Variants in MICAL3 observed in about 807,000 individuals in gnomAD.
MICAL3 encodes [F-actin]-monooxygenase MICAL3.
A neutral mutation model predicts 207.4 loss-of-function variants in MICAL3; 62 were observed. The observed-to-expected ratio is 0.30, with a 90% CI of 0.24 to 0.37. The LOEUF (loss-of-function observed/expected upper bound fraction) is 0.37. Ranked by LOEUF, MICAL3 falls within the 10% of genes least tolerant of loss-of-function variation. The probability of loss-of-function intolerance (pLI) is 1.00; values close to 1 mark genes in which losing one functional copy is unlikely to be tolerated. For synonymous variants in MICAL3, 1,077 were observed against 1,069.3 expected, an observed-to-expected ratio of 1.01 and a Z score of -0.14; for missense variants, 2,368 against 2,635.6, an observed-to-expected ratio of 0.90 and a Z score of 2.22.
At chr22:17,838,506 C>T (rs540289507) in intron 20 of MICAL3, among the ~76,000 whole-genome samples, 3 of 152,298 alleles carry the variant, frequency 2.0e-5, no homozygotes, top group South Asian at 4.1e-4. Context: ...ATCAAGGCTT[C>T]GTCCGTGCTT....
At chr22:17,810,322 C>G (rs1451836946) in intron 28 of MICAL3, among the ~76,000 whole-genome samples, 1 of 152,144 alleles carries the variant, frequency 6.6e-6, no homozygotes, top group Non-Finnish European at 1.5e-5. Flanking sequence ...CTTGGCCTCC[C>G]AAAGTGCTGA....
At chr22:17,858,131 T>C (rs1926122671) in intron 19 of MICAL3, among the ~76,000 whole-genome samples, 1 of 152,092 alleles carries the variant, frequency 6.6e-6, no homozygotes, top group Non-Finnish European at 1.5e-5. Context: ...GAGGCCCGCA[T>C]CCCCTCCCGG....
intron 1 of MICAL3, among the ~76,000 whole-genome samples, chr22:18,018,862 G>A (rs993703762): frequency 2.6e-5 from 4 of 151,462 alleles, no homozygotes; most frequent in East Asian, 1.9e-4. Context: ...TTCACTACAC[G>A]TATACACTCT....
intron 1 of MICAL3, chr22:18,001,109 G>C (rs1242829015): frequency 1.3e-5 from 2 of 152,214 alleles, no homozygotes; most frequent in African/African-American, 4.8e-5. Flanking sequence ...ATCCTCCGGC[G>C]GGAGGTGACC....
intron 1 of MICAL3, among the ~76,000 whole-genome samples, chr22:17,925,604 T>C (rs1932901552): frequency 6.6e-6 from 1 of 152,196 alleles, no homozygotes; most frequent in Non-Finnish European, 1.5e-5. Flanking sequence ...ACAGCTATCT[T>C]GCCTCTGCCT....
In MICAL3 at chr22:17,818,275, C is replaced by A; in HGVS notation, c.4386G>T (p.Pro1462=). Residue 1462 remains proline, a synonymous_variant, in exon 26 of 32, where the codon CCG becomes CCT. Coordinates refer to ENST00000441493, the MANE Select transcript of MICAL3 (RefSeq NM_015241.3). ...MLTPPSSPPP[P]PPPGEEPATL... ...TGGCGGGCTCCTCGCCCGGGGGTGG[C>A]GGTGGGGGCGGGCTGGAGGGGGGCG... The A allele has an allele frequency of 5.0e-6, 1 of 199,194 alleles. No individual in the cohort carries two copies. The allele number at this position is 199,194 out of a possible 1,614,324, so 12.3% of individuals were successfully genotyped here. A position where few individuals can be genotyped will look rare whatever the true frequency, so the allele number is the denominator to read the frequency against.
chr22:17,807,508 A>G (rs1346541515), intron 29 of MICAL3, among the ~76,000 whole-genome samples: 3 of 152,220 alleles, frequency 2.0e-5, no homozygotes, highest in Admixed American at 6.5e-5. Flanking sequence ...GACTTCATGC[A>G]TTAACAGCAT....
intron 1 of MICAL3, among the ~76,000 whole-genome samples, chr22:17,978,923 C>A (rs1935778040): frequency 2.0e-5 from 3 of 149,954 alleles, no homozygotes; most frequent in Non-Finnish European, 4.4e-5. Context: ...GCCTATAAAT[C>A]CCAGCACTTT....
chr22:17,841,878 G>A lies in MICAL3; in HGVS notation c.2745C>T (p.Ala915=), dbSNP rs761909172. The A allele has an allele frequency of 3.2e-5, 50 of 1,578,256 alleles. No individual in the cohort carries two copies. The African/African-American group carries it at 3.9e-4, about 12-fold the overall frequency. Reference sequence around the variant, plus strand: ...CCAGCACGCTGCTCAGGTTGTGCTCGGCCTGAGTCTCCTCCGGTACCTCCT... The same window carrying A: ...CCAGCACGCTGCTCAGGTTGTGCTCAGCCTGAGTCTCCTCCGGTACCTCCT... ...ALQEVPEETQ[A]EHNLSSVLDT... is the part of the protein sequence containing the mutation. Residue 915 remains alanine, a synonymous_variant, in exon 20 of 32, where the codon GCC becomes GCT. Transcript: ENST00000441493. The surrounding 1 kb of genome is among the most constrained non-coding windows in gnomAD (Gnocchi z 4.2).
At chr22:18,003,775 A>T in intron 1 of MICAL3, among the ~76,000 whole-genome samples, 1 of 143,268 alleles carries the variant, frequency 7.0e-6, no homozygotes, top group Non-Finnish European at 1.5e-5. Flanking sequence ...CCCTTTCTTT[A>T]TTTTTTTTTT....
intron 19 of MICAL3, among the ~76,000 whole-genome samples, chr22:17,843,102 C>T (rs990190709): frequency 1.3e-4 from 15 of 115,298 alleles, no homozygotes; most frequent in African/African-American, 4.8e-4. Context: ...GCCTGGGTGA[C>T]AAAGCGAGAC....
intron 3 of MICAL3, among the ~76,000 whole-genome samples, chr22:17,903,161 C>T (rs1230067662): frequency 6.6e-6 from 1 of 152,214 alleles, no homozygotes; most frequent in Non-Finnish European, 1.5e-5. Context: ...TGCTGCATGA[C>T]CTCCCCGCCC....
At chr22:17,792,250 T>C (rs1465259171) in intron 29 of MICAL3, among the ~76,000 whole-genome samples, 1 of 152,206 alleles carries the variant, frequency 6.6e-6, no homozygotes, top group Admixed American at 6.5e-5. Flanking sequence ...TCAGTGGCTC[T>C]TCAATATTTT....
At chr22:17,965,379 C>T (rs1230019903) in intron 1 of MICAL3, among the ~76,000 whole-genome samples, 2 of 152,176 alleles carry the variant, frequency 1.3e-5, no homozygotes, top group African/African-American at 4.8e-5. Context: ...AGGCATGTCA[C>T]TAACACAATG....
At position 17,808,878 on chromosome 22, in the gene MICAL3, G is replaced by A. The variant is rs367665785; in HGVS notation, c.5616C>T (p.Gly1872=). 1.1e-5 allele frequency: 17 copies of A among 1,552,826 alleles called. No homozygotes were observed. The highest frequency in any genetic ancestry group is 4.8e-5 in the South Asian group (4 of 84,190). The change falls in exon 29 of 32, where the codon GGC becomes GGT. Residue 1872 remains glycine (G), a synonymous_variant. Transcript: ENST00000441493. ...CCCGGAGCGCCTTCTCCACAGCCACGCCCCTTTCCTCCAGCCGCCGCTGCC... is the reference window on the plus strand; with the variant it reads ...CCCGGAGCGCCTTCTCCACAGCCACACCCCTTTCCTCCAGCCGCCGCTGCC... ...EERQRRLEER[G]VAVEKALRGE...
chr22:17,791,171 G>T (rs2061820534), intron 30 of MICAL3, 31 bp downstream of exon 30: 1 of 1,610,608 alleles, frequency 6.2e-7, no homozygotes, highest in Non-Finnish European at 8.5e-7. Flanking sequence ...GACAAGCATA[G>T]CGCTGACGCC....
chr22:17,865,064 A>G lies in MICAL3; in HGVS notation c.2518-78T>C, dbSNP rs140358070. On this transcript the variant is annotated intron_variant, in intron 18 of 31. Coordinates refer to ENST00000441493, the MANE Select transcript of MICAL3 (RefSeq NM_015241.3). ...CCTCAAATCCCTAGAGGCACTGACA[A>G]TCTGACACGCTGGTTTTAAATTTTA... The G allele has an allele frequency of 9.7e-5, 120 of 1,235,944 alleles. No homozygotes were observed. The African/African-American group carries it at 1.5e-3, about 16-fold the overall frequency. 76.6% of individuals were successfully genotyped at this position (1,235,944 alleles called of 1,614,324 possible). A position where few individuals can be genotyped will look rare whatever the true frequency, so the allele number is the denominator to read the frequency against.
chr22:17,898,599 T>C (rs1931059197), intron 7 of MICAL3, among the ~76,000 whole-genome samples: 2 of 152,256 alleles, frequency 1.3e-5, no homozygotes, highest in African/African-American at 4.8e-5. Context: ...GCTGTGAGTC[T>C]CTTGTGGGAA....
In MICAL3 at chr22:17,864,593, T is replaced by C. The variant is rs2146138950; in HGVS notation, c.2605+306A>G. On this transcript the variant is annotated intron_variant, in intron 19 of 31. Coordinates refer to ENST00000441493, the MANE Select transcript of MICAL3 (RefSeq NM_015241.3). The stretch of plus-strand genomic sequence containing the variant: ...GGACCTGGGCCGCCCTCAGGTGTGA[T>C]GGTGCGGGACGGGGCTGAGGGACAG... 6 of 1,492,136 alleles carry C rather than the reference T, an allele frequency of 4.0e-6. 1 individual carries two copies. The East Asian group carries it at 7.4e-5, about 18-fold the overall frequency. The allele number at this position is 1,492,136 out of a possible 1,614,324, so 92.4% of individuals were successfully genotyped here.
Sources: allele counts gnomAD v4.1 joint callset (sites outside exome capture counted in the v4.1 genomes callset), GRCh38; gene constraint gnomAD v4.1.1; non-coding constraint Gnocchi (gnomAD v3.1); transcripts MANE v1.5; gene names NCBI Gene and HGNC (gene_info 2026-07-23, HGNC 2026-07-21).